The following TUSC7 variants were observed in gnomAD, a reference collection of about 807,000 sequenced individuals.
The protein encoded by TUSC7 is tumor suppressor candidate 7, also known as LSAMP antisense RNA 3.
intron 1 of TUSC7, chr3:116,712,655 G>C (rs2051471772): frequency 6.6e-6 from 1 of 152,188 alleles, no homozygotes; most frequent in Non-Finnish European, 1.5e-5. Context: ...CAAGGGAAGA[G>C]AGGGAACTTT....
intron 1 of TUSC7, among the ~76,000 whole-genome samples, chr3:116,711,154 A>G (rs1015862486): frequency 2.0e-5 from 3 of 152,226 alleles, no homozygotes; most frequent in Non-Finnish European, 4.4e-5. Context: ...AAGAATTACC[A>G]TCAGTGTAAG....
intron 1 of TUSC7, among the ~76,000 whole-genome samples, chr3:116,711,725 A>T (rs746805799): frequency 9.9e-5 from 15 of 152,182 alleles, no homozygotes; most frequent in Non-Finnish European, 1.3e-4. Context: ...CTAAAGATAA[A>T]TTAGGGCTGT....
At chr3:116,711,583 T>C (rs1289624579) in intron 1 of TUSC7, among the ~76,000 whole-genome samples, 2 of 152,176 alleles carry the variant, frequency 1.3e-5, no homozygotes, top group African/African-American at 4.8e-5. Flanking sequence ...CATAATTCAA[T>C]CCTCAGACTA....
chr3:116,710,822 C>G (rs2107471044), intron 1 of TUSC7, among the ~76,000 whole-genome samples: 1 of 152,128 alleles, frequency 6.6e-6, no homozygotes, highest in East Asian at 1.9e-4. Context: ...AGTTATTGTG[C>G]CTTTCAGTAC....
intron 1 of TUSC7, among the ~76,000 whole-genome samples, chr3:116,713,614 T>A (rs1470150317): frequency 6.6e-6 from 1 of 152,184 alleles, no homozygotes; most frequent in African/African-American, 2.4e-5. Flanking sequence ...AGGTTTCTAA[T>A]CATGATGAAC....
chr3:116,711,114 A>C (rs1302287098), intron 1 of TUSC7, among the ~76,000 whole-genome samples: 3 of 152,220 alleles, frequency 2.0e-5, no homozygotes, highest in African/African-American at 7.2e-5. Context: ...ATTTATAATT[A>C]AACTTTGTAC....
intron 1 of TUSC7, chr3:116,716,989 C>T (rs148840161): frequency 6.6e-6 from 1 of 152,118 alleles, no homozygotes; most frequent in Admixed American, 6.6e-5. Flanking sequence ...TTTAATTTTA[C>T]TTCCATGTGG....
chr3:116,713,245 G>A (rs923109927), intron 1 of TUSC7, among the ~76,000 whole-genome samples: 1 of 152,164 alleles, frequency 6.6e-6, no homozygotes, highest in Non-Finnish European at 1.5e-5. Context: ...TTCTATAGAT[G>A]ACCCAGTGAG....
chr3:116,710,664 A>G (rs895953359), intron 1 of TUSC7, among the ~76,000 whole-genome samples: 10 of 152,150 alleles, frequency 6.6e-5, no homozygotes, highest in Non-Finnish European at 1.2e-4. Context: ...CCCATTCACT[A>G]CTCTGAAACT....
chr3:116,711,599 C>T (rs144526142), intron 1 of TUSC7, among the ~76,000 whole-genome samples: 2 of 152,118 alleles, frequency 1.3e-5, no homozygotes, highest in Non-Finnish European at 2.9e-5. Flanking sequence ...GACTATTAGA[C>T]CATACCACCT....
At chr3:116,711,335 G>A (rs914067688) in intron 1 of TUSC7, among the ~76,000 whole-genome samples, 2 of 152,102 alleles carry the variant, frequency 1.3e-5, no homozygotes, top group African/African-American at 4.8e-5. Flanking sequence ...TAACAGATGG[G>A]TTGTCTTAAC....
chr3:116,712,162 A>G (rs773649808), intron 1 of TUSC7, among the ~76,000 whole-genome samples: 2 of 152,244 alleles, frequency 1.3e-5, no homozygotes, highest in Non-Finnish European at 2.9e-5. Flanking sequence ...GGTCTGATTT[A>G]CAGCATTATG....
At chr3:116,710,823 C>G (rs939027702) in intron 1 of TUSC7, among the ~76,000 whole-genome samples, 9 of 152,020 alleles carry the variant, frequency 5.9e-5, no homozygotes, top group Non-Finnish European at 1.0e-4. Context: ...GTTATTGTGC[C>G]TTTCAGTACA....
intron 1 of TUSC7, among the ~76,000 whole-genome samples, chr3:116,713,197 C>G (rs984243842): frequency 6.6e-6 from 1 of 152,014 alleles, no homozygotes; most frequent in Non-Finnish European, 1.5e-5. Context: ...TTGTTCTTTC[C>G]TGGAGCAGAT....
At chr3:116,714,828 T>A (rs1314555030) in intron 1 of TUSC7, among the ~76,000 whole-genome samples, 1 of 152,194 alleles carries the variant, frequency 6.6e-6, no homozygotes, top group Non-Finnish European at 1.5e-5. Context: ...TGAACCTGCA[T>A]TGACATATAA....
chr3:116,712,492 T>A (rs1048312462), intron 1 of TUSC7: 2 of 152,040 alleles, frequency 1.3e-5, no homozygotes, highest in African/African-American at 4.8e-5. Flanking sequence ...ACAAATTGGA[T>A]GGAATTCAGA....
chr3:116,711,717 A>G (rs146107657), intron 1 of TUSC7, among the ~76,000 whole-genome samples: 1 of 152,320 alleles, frequency 6.6e-6, no homozygotes, highest in African/African-American at 2.4e-5. Flanking sequence ...GCAAAACACT[A>G]AAGATAAATT....
chr3:116,710,692 T>C (rs2051455503), intron 1 of TUSC7, among the ~76,000 whole-genome samples: 1 of 152,192 alleles, frequency 6.6e-6, no homozygotes, highest in Non-Finnish European at 1.5e-5. Flanking sequence ...AAAACTAATA[T>C]GGTTGCAGAG....
intron 1 of TUSC7, chr3:116,714,018 C>CT (rs2051484986): frequency 6.6e-6 from 1 of 151,898 alleles, no homozygotes; most frequent in South Asian, 2.1e-4. Context: ...TCTATGTTTC[C>CT]TTTTTTTCTG....
Sources: allele counts gnomAD v4.1 joint callset (sites outside exome capture counted in the v4.1 genomes callset), GRCh38; gene constraint gnomAD v4.1.1; transcripts MANE v1.5; gene names NCBI Gene and HGNC (gene_info 2026-07-23, HGNC 2026-07-21).